The following PRKG1 variants were observed in gnomAD, a reference collection of about 807,000 sequenced individuals.
PRKG1 encodes protein kinase cGMP-dependent 1, also known as cGMP-dependent protein kinase 1.
A neutral mutation model predicts 88.1 loss-of-function variants in PRKG1; 35 were observed. The ratio of observed to expected loss-of-function variants is 0.40; its 90% CI spans 0.30 to 0.53. The LOEUF is 0.53. Among genes scored for constraint, PRKG1 ranks in the 20% least tolerant of loss-of-function variants. The pLI, the probability that PRKG1 is intolerant of heterozygous loss-of-function variation, is 0.59. For synonymous variants in PRKG1, 303 were observed against 292.5 expected, an observed-to-expected ratio of 1.04 and a Z score of -0.37; for missense variants, 540 against 839.8, an observed-to-expected ratio of 0.64 and a Z score of 4.41.
intron 2 of PRKG1, among the ~76,000 whole-genome samples, chr10:51,166,086 T>C (rs919170599): frequency 4.6e-5 from 7 of 152,156 alleles, no homozygotes; most frequent in Non-Finnish European, 1.0e-4. Context: ...TTACATTACT[T>C]TTCTATTACC....
chr10:51,480,651 C>A (rs968603586), intron 3 of PRKG1, among the ~76,000 whole-genome samples: 4 of 151,926 alleles, frequency 2.6e-5, no homozygotes, highest in African/African-American at 9.7e-5. Flanking sequence ...TGAACCTTGA[C>A]TTTAGTACTG....
At chr10:52,210,463 C>T (rs1166643013) in intron 9 of PRKG1, among the ~76,000 whole-genome samples, 8 of 152,144 alleles carry the variant, frequency 5.3e-5, no homozygotes, top group Non-Finnish European at 8.8e-5. Flanking sequence ...CACAAACTCA[C>T]ACCCTATGCA....
intron 5 of PRKG1, among the ~76,000 whole-genome samples, chr10:51,927,785 A>G (rs1842611019): frequency 6.6e-6 from 1 of 152,104 alleles, no homozygotes; most frequent in African/African-American, 2.4e-5. Flanking sequence ...TTGTTATAAG[A>G]TTTGTATTAT....
chr10:51,109,119 T>C (rs1844917988), intron 1 of PRKG1, among the ~76,000 whole-genome samples: 1 of 152,122 alleles, frequency 6.6e-6, no homozygotes, highest in Admixed American at 6.5e-5. Context: ...TAAAATACAT[T>C]CATGTGCCAT....
intron 5 of PRKG1, among the ~76,000 whole-genome samples, chr10:52,020,494 A>T (rs1166143053): frequency 6.6e-6 from 1 of 151,950 alleles, no homozygotes; most frequent in Non-Finnish European, 1.5e-5. Context: ...AACGAAGGCA[A>T]GTTTCAGAGA....
intron 3 of PRKG1, among the ~76,000 whole-genome samples, chr10:51,700,609 G>C (rs1354445071): frequency 6.6e-6 from 1 of 152,156 alleles, no homozygotes; most frequent in Non-Finnish European, 1.5e-5. Flanking sequence ...TAGAACTGAA[G>C]CTTGGAGAGG....
At chr10:52,049,285 G>A (rs1046886156) in intron 5 of PRKG1, among the ~76,000 whole-genome samples, 110 of 152,228 alleles carry the variant, frequency 7.2e-4, no homozygotes, top group African/African-American at 2.6e-3. Context: ...ATCTTAAGGA[G>A]GAGTGCTAGA....
At chr10:51,279,081 T>G (rs1329205306) in intron 2 of PRKG1, among the ~76,000 whole-genome samples, 1 of 152,222 alleles carries the variant, frequency 6.6e-6, no homozygotes, top group African/African-American at 2.4e-5. Flanking sequence ...TGCTTTCTTT[T>G]ATGGACATTT....
Position 51,752,211 on chromosome 10 carries a change from C to G in PRKG1, c.593-52374C>G, listed in dbSNP as rs547785809. The stretch of plus-strand genomic sequence containing the variant: ...GCTCCATAATATAACCTCATTATGC[C>G]TTTTAGTACTTGTGTCACTTCTCTT... On this transcript the variant is annotated intron_variant, in intron 3 of 17. Transcript: ENST00000373980. Among the ~76,000 whole-genome samples, 171 of 152,182 alleles carry G rather than the reference C, an allele frequency of 1.1e-3. 2 individuals are homozygous for G. Among genetic ancestry groups the G allele is most frequent in the African/African-American group, 3.9e-3 (163 of 41,522 alleles).
intron 2 of PRKG1, among the ~76,000 whole-genome samples, chr10:51,327,845 C>T (rs755995182): frequency 2.0e-5 from 3 of 152,004 alleles, no homozygotes; most frequent in African/African-American, 2.4e-5. Context: ...CATCACTGAC[C>T]GAAATATCAT....
chr10:51,674,490 G>A (rs760242611), intron 3 of PRKG1, among the ~76,000 whole-genome samples: 7 of 151,926 alleles, frequency 4.6e-5, no homozygotes, highest in African/African-American at 1.2e-4. Flanking sequence ...TTTTCATATC[G>A]TATTAAATTT....
At chr10:51,640,397 TG>T (rs1445213440) in intron 3 of PRKG1, among the ~76,000 whole-genome samples, 1 of 152,184 alleles carries the variant, frequency 6.6e-6, no homozygotes, top group Non-Finnish European at 1.5e-5. Context: ...TAAAAAAAAT[TG>T]GTTTTTCAAT....
chr10:51,804,821 G>T, intron 4 of PRKG1, 131 bp downstream of exon 4: 1 of 617,494 alleles, frequency 1.6e-6, no homozygotes, highest in Non-Finnish European at 2.8e-6. Context: ...AATGTGTAGA[G>T]ATGTAAGACT....
At chr10:51,830,823 A>G (rs779833085) in intron 4 of PRKG1, among the ~76,000 whole-genome samples, 1 of 152,048 alleles carries the variant, frequency 6.6e-6, no homozygotes, top group Non-Finnish European at 1.5e-5. Flanking sequence ...GGGCCCCCCA[A>G]AGTGCTGGTA....
intron 5 of PRKG1, among the ~76,000 whole-genome samples, chr10:52,016,321 G>C (rs1449365956): frequency 6.6e-6 from 1 of 152,184 alleles, no homozygotes; most frequent in Non-Finnish European, 1.5e-5. Context: ...CAGCAGGAGA[G>C]AGAGGACAAT....
intron 5 of PRKG1, among the ~76,000 whole-genome samples, chr10:51,966,239 A>G (rs984634257): frequency 1.3e-5 from 2 of 152,124 alleles, no homozygotes; most frequent in Admixed American, 6.5e-5. Flanking sequence ...AATTTCAGCA[A>G]CCCTTTCCAT....
intron 5 of PRKG1, among the ~76,000 whole-genome samples, chr10:52,012,493 C>T (rs927322054): frequency 2.0e-5 from 3 of 152,132 alleles, no homozygotes; most frequent in Admixed American, 6.5e-5. Context: ...CTACCCGCCT[C>T]AGCCTCCCAA....
At chr10:51,046,196 G>A (rs549798358) in intron 1 of PRKG1, among the ~76,000 whole-genome samples, 1 of 152,188 alleles carries the variant, frequency 6.6e-6, no homozygotes, top group Non-Finnish European at 1.5e-5. Context: ...ATGCTTGTTC[G>A]TCTTCTCCAT....
chr10:51,954,369 C>T (rs189221768), intron 5 of PRKG1, among the ~76,000 whole-genome samples: 12 of 152,092 alleles, frequency 7.9e-5, no homozygotes, highest in African/African-American at 2.9e-4. Flanking sequence ...TAATGACTTG[C>T]ATTTCTAGAC....
Sources: gnomAD v4.1 joint callset for allele counts (sites outside exome capture counted in the v4.1 genomes callset) on GRCh38, gnomAD v4.1.1 for gene constraint, MANE v1.5 for transcripts, NCBI Gene and HGNC (gene_info 2026-07-23, HGNC 2026-07-21) for gene names.